Variants in ASPA observed in about 807,000 individuals in gnomAD.
ASPA encodes the protein aspartoacylase.
ASPA carries 25 observed loss-of-function variants against 29.6 expected under a neutral mutation model. The observed-to-expected ratio is 0.85, with a 90% CI of 0.62 to 1.18. ASPA has a LOEUF of 1.18. Ranked by LOEUF, ASPA falls within the 50% of genes most tolerant of loss-of-function variation. The pLI is 0.00. For synonymous variants in ASPA, 131 were observed against 130.3 expected, an observed-to-expected ratio of 1.01 and a Z score of -0.04; for missense variants, 333 against 385.7, an observed-to-expected ratio of 0.86 and a Z score of 1.14.
chr17:3,491,921 A>C (rs2073833344), intron 4 of ASPA, among the ~76,000 whole-genome samples: 1 of 119,572 alleles, frequency 8.4e-6, no homozygotes, highest in Non-Finnish European at 1.6e-5. Context: ...TCTGTTGCCT[A>C]GGCTGGAGTG....
chr17:3,492,129 G>A (rs777166553), intron 4 of ASPA, among the ~76,000 whole-genome samples: 16 of 152,080 alleles, frequency 1.1e-4, no homozygotes, highest in East Asian at 1.9e-4. Flanking sequence ...TGCCTGCCTC[G>A]GCTTCCCAAA....
At chr17:3,486,409 G>C (rs1414901319) in intron 3 of ASPA, among the ~76,000 whole-genome samples, 2 of 152,182 alleles carry the variant, frequency 1.3e-5, no homozygotes, top group African/African-American at 4.8e-5. Context: ...GATCCATGAA[G>C]AATCCTCTCT....
intron 1 of ASPA, among the ~76,000 whole-genome samples, chr17:3,478,154 C>G (rs2073563727): frequency 6.6e-6 from 1 of 151,946 alleles, no homozygotes; most frequent in African/African-American, 2.4e-5. Flanking sequence ...CACTGCACTC[C>G]AGCCTGGGTG....
At chr17:3,483,387 C>G in intron 2 of ASPA, 112 bp from the exon 3 acceptor site, 1 of 888,006 alleles carries the variant, frequency 1.1e-6, no homozygotes, top group Admixed American at 1.8e-5. Context: ...AGCTGTCTTA[C>G]CAATCTTAGT....
At position 3,502,039 on chromosome 17, in the gene ASPA, A is replaced by G. The variant is rs2073996957; in HGVS notation, c.*2951A>G. 2 of 152,326 alleles carry G rather than the reference A, an allele frequency of 1.3e-5. No homozygotes were observed. The highest frequency in any genetic ancestry group is 4.1e-4 in the South Asian group (2 of 4,826). 9.4% of individuals were successfully genotyped at this position (152,326 alleles called of 1,614,324 possible). ...CATGCTACAGAGAAATCTTTCACGA[A>G]AGGAAGAGTCAATCAATGCAGCGAA... is the stretch of plus-strand genomic sequence containing the variant. On this transcript the variant is annotated 3_prime_UTR_variant, in exon 6 of 6. Coordinates refer to ENST00000263080, the MANE Select transcript of ASPA (RefSeq NM_000049.4).
upstream of ASPA, among the ~76,000 whole-genome samples, chr17:3,474,927 C>T (rs530409917): frequency 6.6e-6 from 1 of 152,166 alleles, no homozygotes; most frequent in African/African-American, 2.4e-5. Flanking sequence ...CCCTGCAGAA[C>T]CTTAACTGAG....
At chr17:3,496,012 T>C (rs989669817) in intron 5 of ASPA, among the ~76,000 whole-genome samples, 3 of 152,238 alleles carry the variant, frequency 2.0e-5, no homozygotes, top group Non-Finnish European at 4.4e-5. Context: ...GGTTTTAGGA[T>C]ACTCTTGAGG....
At chr17:3,478,102 G>A (rs533873197) in intron 1 of ASPA, among the ~76,000 whole-genome samples, 51 of 152,166 alleles carry the variant, frequency 3.4e-4, no homozygotes, top group African/African-American at 1.1e-3. Context: ...GGAGAATGGC[G>A]TGAACCTGGG....
chr17:3,490,051 C>T lies in ASPA; in HGVS notation c.634+709C>T, dbSNP rs2150754320. 6.6e-6 allele frequency among the ~76,000 whole-genome samples: 1 copy of T among 152,258 alleles called. No individual in the cohort carries two copies. Among genetic ancestry groups the T allele is most frequent in the African/African-American group, 2.4e-5 (1 of 41,540 alleles). ...AAGTTGCAGACCAAGACATTCAGTA[C>T]ACCAATTGGCTTTAAAATAACAATA... On this transcript the variant is annotated intron_variant, in intron 4 of 5. Coordinates refer to ENST00000263080, the MANE Select transcript of ASPA (RefSeq NM_000049.4). The surrounding 1 kb of genome is among the most constrained non-coding windows in gnomAD (Gnocchi z 4.6).
At chr17:3,478,790 A>G (rs2073577511) in intron 1 of ASPA, among the ~76,000 whole-genome samples, 1 of 152,144 alleles carries the variant, frequency 6.6e-6, no homozygotes, top group South Asian at 2.1e-4. Flanking sequence ...TCATTTTCCT[A>G]TATTCCTCAT....
chr17:3,487,320 T>C (rs1028539905), intron 3 of ASPA, among the ~76,000 whole-genome samples: 1 of 152,204 alleles, frequency 6.6e-6, no homozygotes, highest in African/African-American at 2.4e-5. Context: ...GAGTGCATGA[T>C]ATAAAATATT....
intron 5 of ASPA, among the ~76,000 whole-genome samples, chr17:3,496,613 A>G (rs1376316743): frequency 6.6e-6 from 1 of 152,202 alleles, no homozygotes; most frequent in African/African-American, 2.4e-5. Flanking sequence ...GGACCCGGTT[A>G]TGAGTCTAGA....
intron 3 of ASPA, among the ~76,000 whole-genome samples, chr17:3,484,397 T>C (rs752291197): frequency 2.0e-5 from 3 of 152,120 alleles, no homozygotes; most frequent in Non-Finnish European, 4.4e-5. Flanking sequence ...CACAGAGTGA[T>C]AAATGCTAAA....
intron 5 of ASPA, among the ~76,000 whole-genome samples, chr17:3,497,670 G>T (rs909174224): frequency 1.3e-5 from 2 of 152,136 alleles, no homozygotes; most frequent in African/African-American, 4.8e-5. Flanking sequence ...AGAAAACTGC[G>T]GTGATGCGGC....
chr17:3,486,990 G>A (rs1399944352), intron 3 of ASPA, among the ~76,000 whole-genome samples: 3 of 152,102 alleles, frequency 2.0e-5, no homozygotes, highest in African/African-American at 7.2e-5. Flanking sequence ...TGAGACCACG[G>A]TTAATCTGAG....
At chr17:3,498,855 AAATAT>A (rs746496601) in intron 5 of ASPA, 31 bp from the exon 6 acceptor site, 18 of 1,462,714 alleles carry the variant, frequency 1.2e-5, no homozygotes, top group East Asian at 9.9e-5. Flanking sequence ...GAGAAAAACC[AAATAT>A]AATATATTTA....
At chr17:3,482,738 G>A (rs1276282662) in intron 2 of ASPA, among the ~76,000 whole-genome samples, 1 of 151,380 alleles carries the variant, frequency 6.6e-6, no homozygotes, top group Non-Finnish European at 1.5e-5. Flanking sequence ...CTGGGTAGTG[G>A]TCCTGGTAGG....
rs760702576 is a variant in ASPA at position 3,483,513 on chromosome 17, A to T, written c.447A>T (p.Pro149=). 6.2e-7 allele frequency: 1 copy of T among 1,614,084 alleles called. No individual in the cohort carries two copies. The highest frequency in any genetic ancestry group is 8.5e-7 in the Non-Finnish European group (1 of 1,179,970). ...ATTTTTTTCAGACTTCTCTGGCTCC[A>T]CTACCCTGCTACGTTTATCTGATTG... ...MFHYIKTSLA[P]LPCYVYLIEH... The change falls in exon 3 of 6, where the codon CCA becomes CCT. Residue 149 remains proline, a synonymous_variant. Transcript: ENST00000263080.
rs192643700 is a variant in ASPA, at chr17:3,478,563, G to A, written c.236+2168G>A. Reference sequence around the variant, plus strand: ...ATTTGTTGAAGGATAACTTTTAGTCGGCATATTAACTTCCCAAATAGGTGT... The same window carrying A: ...ATTTGTTGAAGGATAACTTTTAGTCAGCATATTAACTTCCCAAATAGGTGT... On this transcript the variant is annotated intron_variant, in intron 1 of 5. Coordinates refer to ENST00000263080, the MANE Select transcript of ASPA (RefSeq NM_000049.4). 3.2e-4 allele frequency among the ~76,000 whole-genome samples: 48 copies of A among 152,152 alleles called. No individual in the cohort carries two copies. In the East Asian group the frequency reaches 5.4e-3, roughly 17 times the overall value.
Sources: allele counts gnomAD v4.1 joint callset (sites outside exome capture counted in the v4.1 genomes callset), GRCh38; gene constraint gnomAD v4.1.1; non-coding constraint Gnocchi (gnomAD v3.1); transcripts MANE v1.5; gene names NCBI Gene and HGNC (gene_info 2026-07-23, HGNC 2026-07-21).